MACROD2: variants seen among roughly 807,000 people sequenced by gnomAD.
The protein encoded by MACROD2 is mono-ADP ribosylhydrolase 2, also known as ADP-ribose glycohydrolase MACROD2.
A neutral mutation model predicts 70.4 loss-of-function variants in MACROD2; 36 were observed. The observed-to-expected ratio is 0.51, with a 90% confidence interval of 0.39 to 0.68. MACROD2 has a LOEUF of 0.68. MACROD2 is among the 30% of genes least tolerant of loss of function. The pLI is 0.00. For synonymous variants in MACROD2, 172 were observed against 178.8 expected (o/e 0.96, Z 0.30); for missense variants, 496 against 538.4 (o/e 0.92, Z 0.78).
intron 5 of MACROD2, among the ~76,000 whole-genome samples, chr20:14,941,349 G>T (rs6043013): frequency 0.015 from 2,225 of 152,120 alleles, 56 homozygotes; most frequent in African/African-American, 0.051. Flanking sequence ...GCCCTCTGGG[G>T]TATTTCTTCC....
chr20:15,621,095 T>C (rs958148500), intron 8 of MACROD2, among the ~76,000 whole-genome samples: 4 of 152,132 alleles, frequency 2.6e-5, no homozygotes, highest in African/African-American at 9.7e-5. Flanking sequence ...TACTTGGGGA[T>C]GTCACTTTGT....
intron 5 of MACROD2, among the ~76,000 whole-genome samples, chr20:14,848,242 C>T (rs2073163162): frequency 6.6e-6 from 1 of 152,144 alleles, no homozygotes; most frequent in East Asian, 1.9e-4. Context: ...CTAGGGCTTA[C>T]TTAAAGAACT....
intron 5 of MACROD2, among the ~76,000 whole-genome samples, chr20:14,869,621 G>A (rs180769513): frequency 1.7e-4 from 26 of 152,226 alleles, no homozygotes; most frequent in South Asian, 6.2e-4. Flanking sequence ...ATTTAAAATG[G>A]TAAATAAGCA....
At chr20:14,209,683 C>T (rs2122128620) in intron 3 of MACROD2, among the ~76,000 whole-genome samples, 2 of 152,132 alleles carry the variant, frequency 1.3e-5, no homozygotes, top group Middle Eastern at 6.8e-3. Flanking sequence ...AATGTGGTTT[C>T]CAAGGTTACC....
At chr20:15,249,454 T>G (rs2077135015) in intron 6 of MACROD2, among the ~76,000 whole-genome samples, 1 of 152,200 alleles carries the variant, frequency 6.6e-6, no homozygotes, top group Admixed American at 6.5e-5. Context: ...CAACTGACCA[T>G]AGCATACACT....
chr20:14,450,455 T>G (rs1182601564), intron 3 of MACROD2, among the ~76,000 whole-genome samples: 1 of 152,116 alleles, frequency 6.6e-6, no homozygotes, highest in Non-Finnish European at 1.5e-5. Context: ...ACCTCACAGC[T>G]CACTGTGGCC....
At chr20:14,199,399 A>T (rs2081460546) in intron 3 of MACROD2, among the ~76,000 whole-genome samples, 2 of 152,268 alleles carry the variant, frequency 1.3e-5, no homozygotes, top group South Asian at 4.1e-4. Context: ...CAGATTAGAC[A>T]GCTGCATAGT....
chr20:14,048,577 TA>T (rs1402095132), intron 2 of MACROD2, among the ~76,000 whole-genome samples: 1 of 152,148 alleles, frequency 6.6e-6, no homozygotes, highest in African/African-American at 2.4e-5. Context: ...CTATGTGCAA[TA>T]AAACTATTCC....
At chr20:14,877,066 A>G (rs2073558990) in intron 5 of MACROD2, among the ~76,000 whole-genome samples, 1 of 152,044 alleles carries the variant, frequency 6.6e-6, no homozygotes, top group Non-Finnish European at 1.5e-5. Context: ...TTTTAAGGAT[A>G]TATACTCTTC....
chr20:15,657,242 C>T (rs183304483), intron 8 of MACROD2, among the ~76,000 whole-genome samples: 34 of 152,278 alleles, frequency 2.2e-4, no homozygotes, highest in African/African-American at 8.2e-4. Flanking sequence ...CCTAATAATC[C>T]GTCAAATAGG....
intron 5 of MACROD2, among the ~76,000 whole-genome samples, chr20:15,171,076 C>T (rs2076418925): frequency 6.6e-6 from 1 of 152,156 alleles, no homozygotes; most frequent in South Asian, 2.1e-4. Flanking sequence ...AGGAGGAGAG[C>T]CAAGCAAAAT....
chr20:15,760,771 T>C (rs1006984068), intron 8 of MACROD2, among the ~76,000 whole-genome samples: 1 of 152,212 alleles, frequency 6.6e-6, no homozygotes, highest in African/African-American at 2.4e-5. Flanking sequence ...CTTATGTGAA[T>C]GGACACAGAC....
chr20:15,788,105 T>G (rs561260195), intron 8 of MACROD2, among the ~76,000 whole-genome samples: 1 of 152,340 alleles, frequency 6.6e-6, no homozygotes, highest in East Asian at 1.9e-4. Flanking sequence ...TTGCTTTGAC[T>G]GGATAGTGAT....
chr20:14,085,799 ATG>A (rs2054069237), intron 3 of MACROD2, 71 bp downstream of exon 3: 2 of 864,528 alleles, frequency 2.3e-6, no homozygotes, highest in Non-Finnish European at 3.3e-6. Context: ...ATAAATAAGA[ATG>A]TAAGTATTTT....
intron 5 of MACROD2, among the ~76,000 whole-genome samples, chr20:15,159,486 A>G (rs1053474372): frequency 6.6e-6 from 1 of 152,106 alleles, no homozygotes; most frequent in African/African-American, 2.4e-5. Context: ...ATACTCTTTG[A>G]CAGAGGGTAA....
At chr20:14,129,622 C>T (rs2054693123) in intron 3 of MACROD2, among the ~76,000 whole-genome samples, 1 of 152,140 alleles carries the variant, frequency 6.6e-6, no homozygotes, top group Admixed American at 6.5e-5. Flanking sequence ...AATAGCATGA[C>T]ATATTGTAGA....
intron 9 of MACROD2, among the ~76,000 whole-genome samples, chr20:15,864,109 A>AT (rs927947876): frequency 8.1e-5 from 12 of 148,498 alleles, no homozygotes; most frequent in African/African-American, 3.0e-4. Context: ...ACCTTTCTTC[A>AT]TTTTTTTCAA....
At chr20:14,361,075 G>A (rs941311467) in intron 3 of MACROD2, among the ~76,000 whole-genome samples, 1 of 151,982 alleles carries the variant, frequency 6.6e-6, no homozygotes, top group African/African-American at 2.4e-5. Context: ...TTTAGTTTTC[G>A]GTGATAATCC....
intron 3 of MACROD2, among the ~76,000 whole-genome samples, chr20:14,300,504 G>T (rs1428929951): frequency 1.3e-5 from 2 of 152,170 alleles, no homozygotes; most frequent in African/African-American, 4.8e-5. Context: ...TTTATTTCAA[G>T]TGGAAACTTT....
Sources: allele counts gnomAD v4.1 joint callset (sites outside exome capture counted in the v4.1 genomes callset), GRCh38; gene constraint gnomAD v4.1.1; transcripts MANE v1.5; gene names NCBI Gene and HGNC (gene_info 2026-07-23, HGNC 2026-07-21).